Variants in KANSL1 observed in about 807,000 individuals in gnomAD.
KANSL1 encodes KAT8 regulatory NSL complex subunit 1, also known as MLL1/MLL complex subunit KANSL1.
A neutral mutation model predicts 103.6 loss-of-function variants in KANSL1; 22 were observed. The ratio of observed to expected loss-of-function variants is 0.21; its 90% confidence interval spans 0.15 to 0.30. The LOEUF is 0.30. Ranked by LOEUF, KANSL1 falls within the 10% of genes least tolerant of loss-of-function variation. The pLI is 1.00. For missense variants in KANSL1, 1,337 were observed against 1,399.8 expected, an observed-to-expected ratio of 0.96 and a Z score of 0.72; for synonymous variants, 600 against 527.6, an observed-to-expected ratio of 1.14 and a Z score of -1.88.
chr17:46,065,149 T>TTA (rs2078332393), intron 6 of KANSL1, among the ~76,000 whole-genome samples: 1 of 150,796 alleles, frequency 6.6e-6, no homozygotes, highest in African/African-American at 2.4e-5. Flanking sequence ...TTTTTTTTTT[T>TTA]AAAGATATGG....
chr17:46,154,301 G>T (rs1302578642), intron 2 of KANSL1, among the ~76,000 whole-genome samples: 2 of 152,248 alleles, frequency 1.3e-5, no homozygotes. Flanking sequence ...ACAAATGAGG[G>T]AGGATATTCC....
At chr17:46,188,983 A>G (rs2047166360) in intron 1 of KANSL1, among the ~76,000 whole-genome samples, 1 of 141,498 alleles carries the variant, frequency 7.1e-6, no homozygotes, top group Non-Finnish European at 1.5e-5. Context: ...CAGTGAGCCA[A>G]GATCGCGCCA....
intron 2 of KANSL1, 127 bp from the exon 3 acceptor site, chr17:46,094,828 CAA>C: frequency 1.8e-6 from 2 of 1,102,760 alleles, no homozygotes; most frequent in East Asian, 5.0e-5. Context: ...AAGAAAAACC[CAA>C]GAGAGAGACA....
At chr17:46,101,324 T>A (rs1284343773) in intron 2 of KANSL1, among the ~76,000 whole-genome samples, 1 of 152,254 alleles carries the variant, frequency 6.6e-6, no homozygotes, top group Admixed American at 6.5e-5. Flanking sequence ...TTCTCACTTT[T>A]ACTTACTTTA....
At chr17:46,073,935 C>T (rs150509901) in intron 4 of KANSL1, among the ~76,000 whole-genome samples, 1 of 152,012 alleles carries the variant, frequency 6.6e-6, no homozygotes, top group Non-Finnish European at 1.5e-5. Flanking sequence ...CTGTGTTGAA[C>T]TGGTATGAAC....
At chr17:46,195,866 T>C (rs1269199401), upstream of KANSL1, among the ~76,000 whole-genome samples, 3 of 152,174 alleles carry the variant, frequency 2.0e-5, no homozygotes, top group Non-Finnish European at 4.4e-5. Flanking sequence ...TTTTCTTAAA[T>C]TTCCCCCCAA....
At chr17:46,162,867 C>T (rs1238406777) in intron 2 of KANSL1, among the ~76,000 whole-genome samples, 1 of 152,266 alleles carries the variant, frequency 6.6e-6, no homozygotes, top group Non-Finnish European at 1.5e-5. Context: ...ATACACTATA[C>T]TTTGCTCTGT....
intron 3 of KANSL1, among the ~76,000 whole-genome samples, chr17:46,091,812 A>AGTATGTAT (rs149207902): frequency 2.6e-5 from 4 of 151,504 alleles, no homozygotes; most frequent in Non-Finnish European, 5.9e-5. Context: ...TATATATGTA[A>AGTATGTAT]GTATGTATGT....
chr17:46,038,273 G>A, intron 10 of KANSL1: 1 of 502,576 alleles, frequency 2.0e-6, no homozygotes, highest in Non-Finnish European at 3.5e-6. Flanking sequence ...CACCTTAAGA[G>A]TTTGTCCCTG....
chr17:46,155,978 A>G (rs1306696516), intron 2 of KANSL1, among the ~76,000 whole-genome samples: 1 of 152,204 alleles, frequency 6.6e-6, no homozygotes, highest in African/African-American at 2.4e-5. Flanking sequence ...TGTGATAGCT[A>G]TTACTCAAAT....
At chr17:46,213,936 T>C (rs2048256298) in intron 1 of KANSL1, among the ~76,000 whole-genome samples, 2 of 151,592 alleles carry the variant, frequency 1.3e-5, no homozygotes, top group African/African-American at 2.4e-5. Context: ...AAAACTAATA[T>C]GCAAGAACTA....
intron 2 of KANSL1, among the ~76,000 whole-genome samples, chr17:46,130,187 CAAAAAAAAAAAAAA>C (rs35017603): frequency 1.3e-5 from 1 of 75,472 alleles, no homozygotes; most frequent in Non-Finnish European, 2.7e-5. Flanking sequence ...ATCCTGTCTC[CAAAAAAAAAAAAAA>C]AAAAAAAGGA....
intron 2 of KANSL1, among the ~76,000 whole-genome samples, chr17:46,109,206 C>T (rs1220558054): frequency 6.6e-6 from 1 of 152,140 alleles, no homozygotes; most frequent in Non-Finnish European, 1.5e-5. Context: ...CCTCAGCCTT[C>T]CAAAATGTTG....
chr17:46,096,311 C>CTTTTTTTTCTTTTTTTTTT (rs2042069609), intron 2 of KANSL1, among the ~76,000 whole-genome samples: 3 of 76,408 alleles, frequency 3.9e-5, no homozygotes, highest in Non-Finnish European at 7.4e-5. Context: ...GCTTTTTTTT[C>CTTTTTTTTCTTTTTTTTTT]TTTTTTTTTT....
intron 7 of KANSL1, chr17:46,044,446 T>C (rs751070796): frequency 3.9e-5 from 6 of 152,236 alleles, no homozygotes; most frequent in Non-Finnish European, 7.3e-5. Flanking sequence ...TGCTCACTTC[T>C]TCCTCCTGCT....
In KANSL1 at chr17:46,146,496, C is replaced by T. The variant is rs115213843; in HGVS notation, c.1289+24359G>A. 9.6e-3 allele frequency among the ~76,000 whole-genome samples: 1,456 copies of T among 152,268 alleles called. 19 individuals are homozygous for T. The highest frequency in any genetic ancestry group is 0.034 in the African/African-American group (1,408 of 41,510). ...GGACTGCTCCTGCAAGGTAGGGCTA[C>T]CCCATAGGCAGAGAGTAGCTGAAAA... On this transcript the variant is annotated intron_variant, in intron 2 of 14. Coordinates refer to ENST00000432791, the MANE Select transcript of KANSL1 (RefSeq NM_015443.4).
At chr17:46,206,374 C>T (rs1306533472) in intron 1 of KANSL1, among the ~76,000 whole-genome samples, 1 of 152,226 alleles carries the variant, frequency 6.6e-6, no homozygotes, top group African/African-American at 2.4e-5. Flanking sequence ...TAAACCTTTA[C>T]ACTGACAGTC....
chr17:46,129,567 G>A (rs1360359379), intron 2 of KANSL1, among the ~76,000 whole-genome samples: 3 of 152,220 alleles, frequency 2.0e-5, no homozygotes, highest in Non-Finnish European at 4.4e-5. Flanking sequence ...TTGGGTCCTT[G>A]TGGTACTGGT....
At chr17:46,105,906 G>GACACACACACACACAC (rs773000790) in intron 2 of KANSL1, among the ~76,000 whole-genome samples, 5 of 95,182 alleles carry the variant, frequency 5.3e-5, no homozygotes, top group African/African-American at 1.8e-4. Flanking sequence ...GCAAGGCCTT[G>GACACACACACACACAC]ACACACACAC....
Sources: gnomAD v4.1 joint callset for allele counts (sites outside exome capture counted in the v4.1 genomes callset) on GRCh38, gnomAD v4.1.1 for gene constraint, MANE v1.5 for transcripts, NCBI Gene and HGNC (gene_info 2026-07-23, HGNC 2026-07-21) for gene names.